The following LMO3 variants were observed in gnomAD, a reference collection of about 807,000 sequenced individuals.
LMO3 encodes the protein LIM domain only 3.
LMO3 carries 2 observed loss-of-function variants against 15.8 expected under a neutral mutation model. That is an observed-to-expected ratio of 0.13 (90% CI 0.05 to 0.40). The LOEUF is 0.40. Among genes scored for constraint, LMO3 ranks in the 10% least tolerant of loss-of-function variants. The pLI is 0.99. For synonymous variants in LMO3, 62 were observed against 63.8 expected, an observed-to-expected ratio of 0.97 and a Z score of 0.13; for missense variants, 86 against 182.2, an observed-to-expected ratio of 0.47 and a Z score of 3.04.
chr12:16,563,076 C>G (rs1018088249), intron 2 of LMO3, among the ~76,000 whole-genome samples: 2 of 151,976 alleles, frequency 1.3e-5, no homozygotes, highest in African/African-American at 4.8e-5. Flanking sequence ...GCTGGAGGCT[C>G]CATCAGTTTC....
At chr12:16,553,334 C>A (rs1942064618) in intron 3 of LMO3, among the ~76,000 whole-genome samples, 1 of 152,078 alleles carries the variant, frequency 6.6e-6, no homozygotes, top group African/African-American at 2.4e-5. Flanking sequence ...GTAAAGCATG[C>A]AGGCTACAAG....
chr12:16,607,213 T>C, upstream of LMO3: 1 of 152,362 alleles, frequency 6.6e-6, no homozygotes, highest in South Asian at 2.1e-4. Context: ...AACTGTGAAC[T>C]TGTTCTCCAT....
intron 2 of LMO3, among the ~76,000 whole-genome samples, chr12:16,580,800 T>C: frequency 6.6e-6 from 1 of 152,202 alleles, no homozygotes; most frequent in East Asian, 1.9e-4. Flanking sequence ...ATCTCTATTG[T>C]TAAATTTTTC....
rs1942325665 is a variant in LMO3 at position 16,559,844 on chromosome 12, C to G, written c.332+569G>C. On this transcript the variant is annotated intron_variant, in intron 3 of 3. Transcript: ENST00000537304. This position sits in a 1 kb window ranked among gnomAD's most constrained non-coding sequence, Gnocchi z 4.1. ...AGGCATGGGAGTGCACACCTGTACT[C>G]CCAGCTACTCGGGAGGCTGAGGCAG... Among the ~76,000 whole-genome samples the G allele has an allele frequency of 6.6e-6, 1 of 151,638 alleles. No individual in the cohort carries two copies. The highest frequency in any genetic ancestry group is 2.4e-5 in the African/African-American group (1 of 41,302).
Position 16,604,653 on chromosome 12 carries a change from G to A in LMO3, c.-9+1413C>T. 2 of 589,978 alleles carry A rather than the reference G, an allele frequency of 3.4e-6. No individual in the cohort carries two copies. The highest frequency in any genetic ancestry group is 6.0e-6 in the Non-Finnish European group (2 of 335,554). The allele number at this position is 589,978 out of a possible 1,614,324, so 36.5% of individuals were successfully genotyped here. A position where few individuals can be genotyped will look rare whatever the true frequency, so the allele number is the denominator to read the frequency against. On this transcript the variant is annotated intron_variant, in intron 1 of 3. Coordinates refer to ENST00000537304, the MANE Select transcript of LMO3 (RefSeq NM_018640.5). This position sits in a 1 kb window ranked among gnomAD's most constrained non-coding sequence, Gnocchi z 5.3. ...AGCCTTTTGTGGTTGTGTCTTTGCA[G>A]CCACACAGGGATGGTTTGCAAAGAA... is the stretch of plus-strand genomic sequence containing the variant.
At chr12:16,575,867 G>A (rs1055981593) in intron 2 of LMO3, among the ~76,000 whole-genome samples, 10 of 152,080 alleles carry the variant, frequency 6.6e-5, no homozygotes, top group Admixed American at 5.9e-4. Flanking sequence ...CTCCCTACGT[G>A]ACATCCTTCT....
At chr12:16,553,039 A>G (rs1468998591) in intron 3 of LMO3, among the ~76,000 whole-genome samples, 3 of 152,140 alleles carry the variant, frequency 2.0e-5, no homozygotes, top group African/African-American at 4.8e-5. Context: ...TAGAAATGAA[A>G]TATCTAAAAT....
Position 16,584,462 on chromosome 12 carries a change from C to A in LMO3, c.206+16193G>T, listed in dbSNP as rs7297697. Among the ~76,000 whole-genome samples, 3,809 of 152,194 alleles carry A rather than the reference C, an allele frequency of 0.025. 164 individuals are homozygous for A. The highest frequency in any genetic ancestry group is 0.087 in the African/African-American group (3,597 of 41,504). Reference sequence around the variant, plus strand: ...ACACAGCAAAAGTTATTGACAAGGACATGAGGTTTCTGGAGGACCCAGTGG... The same window carrying A: ...ACACAGCAAAAGTTATTGACAAGGAAATGAGGTTTCTGGAGGACCCAGTGG... On this transcript the variant is annotated intron_variant, in intron 2 of 3. Transcript: ENST00000537304. This position sits in a 1 kb window ranked among gnomAD's most constrained non-coding sequence, Gnocchi z 5.2.
At chr12:16,581,078 C>G (rs1943144303) in intron 2 of LMO3, among the ~76,000 whole-genome samples, 1 of 152,204 alleles carries the variant, frequency 6.6e-6, no homozygotes, top group Non-Finnish European at 1.5e-5. Flanking sequence ...TAGTTAGGTA[C>G]AAGAAAACCA....
At position 16,598,873 on chromosome 12, in the gene LMO3, T is replaced by C. The variant is rs763349282; in HGVS notation, c.206+1782A>G. 5.7e-5 allele frequency: 13 copies of C among 227,580 alleles called. No homozygotes were observed. In the South Asian group the frequency reaches 5.9e-4, roughly 10 times the overall value. The allele number at this position is 227,580 out of a possible 1,614,324, so 14.1% of individuals were successfully genotyped here. On this transcript the variant is annotated intron_variant, in intron 2 of 3. Transcript: ENST00000537304. The surrounding 1 kb of genome is among the most constrained non-coding windows in gnomAD (Gnocchi z 4.3). ...TCAGTTGACATTCTTTCAAGTTTAC[T>C]TAATTTTTGTCCTTTGGTTTATTAA...
intron 1 of LMO3, among the ~76,000 whole-genome samples, chr12:16,601,214 TAAC>T (rs1565515170): frequency 6.6e-6 from 1 of 152,150 alleles, no homozygotes; most frequent in Non-Finnish European, 1.5e-5. Flanking sequence ...TGTGAGTAAA[TAAC>T]AATCTGAAAA....
intron 2 of LMO3, among the ~76,000 whole-genome samples, chr12:16,580,531 A>C (rs554290188): frequency 1.3e-5 from 2 of 152,202 alleles, no homozygotes; most frequent in Non-Finnish European, 2.9e-5. Flanking sequence ...CCTTTGGAGG[A>C]CTTTTCTGGG....
Position 16,591,145 on chromosome 12 carries a change from C to A in LMO3, c.206+9510G>T, listed in dbSNP as rs1482200547. 1.3e-5 allele frequency among the ~76,000 whole-genome samples: 2 copies of A among 151,552 alleles called. No homozygotes were observed. The highest frequency in any genetic ancestry group is 4.8e-5 in the African/African-American group (2 of 41,258). On this transcript the variant is annotated intron_variant, in intron 2 of 3. Transcript: ENST00000537304. This position sits in a 1 kb window ranked among gnomAD's most constrained non-coding sequence, Gnocchi z 4.1. ...TTTGTTGCAACAGTGATAGGTGGTA[C>A]CATAGACCTACACAGTGACTACCCC...
chr12:16,565,213 C>T (rs1430281077), intron 2 of LMO3, among the ~76,000 whole-genome samples: 1 of 152,146 alleles, frequency 6.6e-6, no homozygotes, highest in African/African-American at 2.4e-5. Flanking sequence ...TATGAAATTG[C>T]AATCAATTGA....
intron 2 of LMO3, among the ~76,000 whole-genome samples, chr12:16,592,902 C>A (rs1380872356): frequency 1.3e-5 from 2 of 151,768 alleles, no homozygotes; most frequent in Non-Finnish European, 3.0e-5. Flanking sequence ...TCTGTTAGAA[C>A]TGCTAAAATA....
Position 16,582,035 on chromosome 12 carries a change from T to G in LMO3, c.206+18620A>C, listed in dbSNP as rs1943176090. Among the ~76,000 whole-genome samples the G allele has an allele frequency of 6.6e-6, 1 of 152,204 alleles. No homozygotes were observed. ...GCTAGACCCTTTAAAACATTAAATATGAGGGACAATAATGAGTATCCCTGG... is the reference window on the plus strand; with the variant it reads ...GCTAGACCCTTTAAAACATTAAATAGGAGGGACAATAATGAGTATCCCTGG... On this transcript the variant is annotated intron_variant, in intron 2 of 3. Coordinates refer to ENST00000537304, the MANE Select transcript of LMO3 (RefSeq NM_018640.5). The surrounding 1 kb of genome is among the most constrained non-coding windows in gnomAD (Gnocchi z 4.1).
chr12:16,563,144 G>C (rs1302549224), intron 2 of LMO3, among the ~76,000 whole-genome samples: 2 of 152,140 alleles, frequency 1.3e-5, no homozygotes, highest in Non-Finnish European at 2.9e-5. Context: ...TTCCTAAGAG[G>C]GCGAATCTTA....
Position 16,582,355 on chromosome 12 carries a change from G to A in LMO3, c.206+18300C>T, listed in dbSNP as rs1036548121. ...TGTTCCTATAGTATTATTCATTTTAGACAGTGACAGACTATTTGCTAATAT... is the reference window on the plus strand; with the variant it reads ...TGTTCCTATAGTATTATTCATTTTAAACAGTGACAGACTATTTGCTAATAT... On this transcript the variant is annotated intron_variant, in intron 2 of 3. Coordinates refer to ENST00000537304, the MANE Select transcript of LMO3 (RefSeq NM_018640.5). This position sits in a 1 kb window ranked among gnomAD's most constrained non-coding sequence, Gnocchi z 4.1. Among the ~76,000 whole-genome samples, 2 of 152,146 alleles carry A rather than the reference G, an allele frequency of 1.3e-5. No homozygotes were observed. The highest frequency in any genetic ancestry group is 2.9e-5 in the Non-Finnish European group (2 of 68,022).
At chr12:16,605,449 G>T in intron 1 of LMO3, 1 of 442,364 alleles carries the variant, frequency 2.3e-6, no homozygotes, top group Non-Finnish European at 2.5e-6. Flanking sequence ...CCCCCCCCCC[G>T]CCCCCATGCC....
Sources: allele counts gnomAD v4.1 joint callset (sites outside exome capture counted in the v4.1 genomes callset), GRCh38; gene constraint gnomAD v4.1.1; non-coding constraint Gnocchi (gnomAD v3.1); transcripts MANE v1.5; gene names NCBI Gene and HGNC (gene_info 2026-07-23, HGNC 2026-07-21).